Variants in COL14A1 observed in about 807,000 individuals in gnomAD.
COL14A1 encodes collagen type XIV alpha 1 chain.
A neutral mutation model predicts 230.3 loss-of-function variants in COL14A1; 136 were observed. The observed-to-expected ratio is 0.59, with a 90% confidence interval of 0.51 to 0.68. The LOEUF is 0.68. Among genes scored for constraint, COL14A1 ranks in the 30% least tolerant of loss-of-function variants. The pLI is 0.00. For missense variants in COL14A1, 1,976 were observed against 2,215.8 expected (o/e 0.89, Z 2.17); for synonymous variants, 792 against 784.1 (o/e 1.01, Z -0.17).
intron 1 of COL14A1, among the ~76,000 whole-genome samples, chr8:120,134,628 A>G (rs1814649016): frequency 6.6e-6 from 1 of 152,204 alleles, no homozygotes. Flanking sequence ...GTGTTTTATC[A>G]TATATGATGG....
At chr8:120,309,962 T>C in intron 36 of COL14A1, 47 bp from the exon 37 acceptor site, 1 of 1,576,860 alleles carries the variant, frequency 6.3e-7, no homozygotes, top group Non-Finnish European at 8.7e-7. Flanking sequence ...TGAAATACAC[T>C]GTTTTGAGAT....
chr8:120,341,377 T>C lies in COL14A1; in HGVS notation c.4821+17T>C. On this transcript the variant is annotated intron_variant, in intron 43 of 47. Coordinates refer to ENST00000297848, the MANE Select transcript of COL14A1 (RefSeq NM_021110.4). ...GGAGAGCGGGTAAGTATCCTGTGGCTCTGCTTTCTGGCCCCAGCTTGTTGC... is the reference window on the plus strand; with the variant it reads ...GGAGAGCGGGTAAGTATCCTGTGGCCCTGCTTTCTGGCCCCAGCTTGTTGC... 6.2e-7 allele frequency: 1 copy of C among 1,613,862 alleles called. No individual in the cohort carries two copies. Among genetic ancestry groups the C allele is most frequent in the Non-Finnish European group, 8.5e-7 (1 of 1,179,890 alleles).
intron 5 of COL14A1, among the ~76,000 whole-genome samples, chr8:120,170,719 C>A (rs1471446126): frequency 6.6e-6 from 1 of 151,872 alleles, no homozygotes; most frequent in African/African-American, 2.4e-5. Flanking sequence ...TTTTTCTAGT[C>A]AATTTTTCTT....
At chr8:120,350,171 C>A (rs371868882) in intron 45 of COL14A1, among the ~76,000 whole-genome samples, 24 of 152,200 alleles carry the variant, frequency 1.6e-4, no homozygotes, top group African/African-American at 3.1e-4. Flanking sequence ...AAATACTTTA[C>A]AGACAAGCAA....
intron 1 of COL14A1, among the ~76,000 whole-genome samples, chr8:120,147,273 C>T (rs768692014): frequency 1.3e-5 from 2 of 151,926 alleles, no homozygotes; most frequent in Non-Finnish European, 2.9e-5. Context: ...AAAAGAAGAA[C>T]TATGAGAAAA....
chr8:120,186,199 G>A (rs757800352), intron 5 of COL14A1, among the ~76,000 whole-genome samples: 2 of 152,212 alleles, frequency 1.3e-5, no homozygotes, highest in Non-Finnish European at 2.9e-5. Flanking sequence ...TTTTGGCAAT[G>A]TAAAATGACC....
At chr8:120,199,362 T>G in intron 7 of COL14A1, 40 bp from the exon 8 acceptor site, 1 of 1,509,104 alleles carries the variant, frequency 6.6e-7, no homozygotes, top group Non-Finnish European at 8.8e-7. Context: ...GACTTTTTAT[T>G]AGAGATAGCT....
chr8:120,208,657 A>C (rs180786391), intron 11 of COL14A1, among the ~76,000 whole-genome samples: 1 of 152,220 alleles, frequency 6.6e-6, no homozygotes, highest in Non-Finnish European at 1.5e-5. Context: ...GTAAATGCCT[A>C]TTATGAACTA....
At chr8:120,255,627 AC>A (rs1277028553) in intron 23 of COL14A1, among the ~76,000 whole-genome samples, 1 of 152,196 alleles carries the variant, frequency 6.6e-6, no homozygotes, top group Non-Finnish European at 1.5e-5. Context: ...GAGATATTCC[AC>A]ATAAAGCACT....
chr8:120,238,588 G>T (rs546833254), intron 19 of COL14A1, among the ~76,000 whole-genome samples: 1 of 152,272 alleles, frequency 6.6e-6, no homozygotes, highest in East Asian at 1.9e-4. Flanking sequence ...GGGATCCCTG[G>T]CTTCAGCCCC....
intron 5 of COL14A1, among the ~76,000 whole-genome samples, chr8:120,175,479 G>A (rs1475224113): frequency 2.6e-5 from 4 of 151,982 alleles, no homozygotes; most frequent in Non-Finnish European, 5.9e-5. Flanking sequence ...TAGTCTCTAC[G>A]GTGATATAAG....
intron 13 of COL14A1, among the ~76,000 whole-genome samples, chr8:120,215,606 T>C (rs1817727626): frequency 6.6e-6 from 1 of 151,764 alleles, no homozygotes; most frequent in Admixed American, 6.6e-5. Flanking sequence ...AGGGGGAAGA[T>C]GGAAGTTGGG....
At chr8:120,284,088 A>G (rs1228437210) in intron 32 of COL14A1, among the ~76,000 whole-genome samples, 4 of 152,178 alleles carry the variant, frequency 2.6e-5, no homozygotes, top group African/African-American at 4.8e-5. Flanking sequence ...TGGAGGGTCA[A>G]TGGGAGGGGT....
At chr8:120,170,731 T>C (rs913956143) in intron 5 of COL14A1, among the ~76,000 whole-genome samples, 11 of 152,116 alleles carry the variant, frequency 7.2e-5, no homozygotes, top group Non-Finnish European at 1.5e-4. Flanking sequence ...ATTTTTCTTT[T>C]TGATATTTTG....
At chr8:120,232,732 G>T (rs1240824501) in intron 19 of COL14A1, among the ~76,000 whole-genome samples, 1 of 152,170 alleles carries the variant, frequency 6.6e-6, no homozygotes, top group Non-Finnish European at 1.5e-5. Context: ...AAACATGTGT[G>T]GATGTATTGT....
At chr8:120,156,332 G>A (rs188714843) in intron 2 of COL14A1, among the ~76,000 whole-genome samples, 1 of 152,218 alleles carries the variant, frequency 6.6e-6, no homozygotes, top group Admixed American at 6.5e-5. Flanking sequence ...ACCACACCTG[G>A]CTAATTCTGT....
At position 120,345,406 on chromosome 8, in the gene COL14A1, C is replaced by T; in HGVS notation, c.4920C>T (p.Asn1640=). Residue 1640 remains asparagine (N), a synonymous_variant, in exon 45 of 48, where the codon AAC becomes AAT. Coordinates refer to ENST00000297848, the MANE Select transcript of COL14A1 (RefSeq NM_021110.4). ...SHMARYTAIL[N]QIPSHSSSIR... ...TGGCCAGGTACACTGCCATCCTCAA[C>T]CAGATTCCCAGCCACTCCTCATCCA... 1 of 1,596,942 alleles carries T rather than the reference C, an allele frequency of 6.3e-7. No individual in the cohort carries two copies. The highest frequency in any genetic ancestry group is 1.8e-5 in the Admixed American group (1 of 57,030).
At chr8:120,180,278 A>G (rs1323260417) in intron 5 of COL14A1, among the ~76,000 whole-genome samples, 3 of 152,208 alleles carry the variant, frequency 2.0e-5, no homozygotes, top group Admixed American at 2.0e-4. Flanking sequence ...TGGAATTCCC[A>G]CCATTTATTT....
chr8:120,158,372 G>T (rs566986446), intron 3 of COL14A1, 126 bp downstream of exon 3: 2 of 672,366 alleles, frequency 3.0e-6, no homozygotes, highest in African/African-American at 3.7e-5. Flanking sequence ...AATCTTCAGT[G>T]TTTAAAATCT....
Sources: allele counts gnomAD v4.1 joint callset (sites outside exome capture counted in the v4.1 genomes callset), GRCh38; gene constraint gnomAD v4.1.1; transcripts MANE v1.5; gene names NCBI Gene and HGNC (gene_info 2026-07-23, HGNC 2026-07-21).